Variants in ROBO1 observed in about 807,000 individuals in gnomAD.
The protein encoded by ROBO1 is roundabout guidance receptor 1.
A neutral mutation model predicts 195.9 loss-of-function variants in ROBO1; 149 were observed. That is an observed-to-expected ratio of 0.76 (90% CI 0.67 to 0.87). The LOEUF (loss-of-function observed/expected upper bound fraction) is 0.87, where lower values mean the gene tolerates loss of function less well. Among genes scored for constraint, ROBO1 ranks in the 40% least tolerant of loss-of-function variants. The probability of loss-of-function intolerance (pLI) is 0.00; values close to 1 mark genes in which losing one functional copy is unlikely to be tolerated. For synonymous variants in ROBO1, 816 were observed against 733.2 expected, an observed-to-expected ratio of 1.11 and a Z score of -1.82; for missense variants, 1,933 against 2,068.3, an observed-to-expected ratio of 0.93 and a Z score of 1.27.
At chr3:78,626,550 A>G (rs2107471403) in intron 26 of ROBO1, among the ~76,000 whole-genome samples, 1 of 152,332 alleles carries the variant, frequency 6.6e-6, no homozygotes, top group Admixed American at 6.5e-5. Flanking sequence ...AGGAATACAG[A>G]AAATAATGTA....
At chr3:79,337,812 TAAAGG>T (rs1156452192) in intron 2 of ROBO1, among the ~76,000 whole-genome samples, 1 of 152,134 alleles carries the variant, frequency 6.6e-6, no homozygotes, top group Non-Finnish European at 1.5e-5. Context: ...TACAAAATAA[TAAAGG>T]AAGGTTAACA....
chr3:79,512,017 C>T (rs1940732255), intron 2 of ROBO1, among the ~76,000 whole-genome samples: 1 of 152,004 alleles, frequency 6.6e-6, no homozygotes, highest in African/African-American at 2.4e-5. Flanking sequence ...CAACAAATCC[C>T]CATAACACGT....
intron 2 of ROBO1, among the ~76,000 whole-genome samples, chr3:79,463,963 C>G (rs887869228): frequency 2.6e-5 from 4 of 152,126 alleles, no homozygotes; most frequent in Admixed American, 2.6e-4. Flanking sequence ...CCTAAGCAGC[C>G]AGTCATCTCC....
At chr3:79,434,345 A>G (rs1215955976) in intron 2 of ROBO1, among the ~76,000 whole-genome samples, 6 of 152,236 alleles carry the variant, frequency 3.9e-5, no homozygotes, top group Non-Finnish European at 7.3e-5. Context: ...TCCAGAATTT[A>G]CAAAGAACTC....
intron 17 of ROBO1, among the ~76,000 whole-genome samples, chr3:78,659,171 G>C (rs1160570216): frequency 6.6e-6 from 1 of 152,030 alleles, no homozygotes; most frequent in Non-Finnish European, 1.5e-5. Context: ...AAAGTACAGA[G>C]ACTTTTACCT....
chr3:79,699,664 T>TC (rs1560111246), intron 1 of ROBO1, among the ~76,000 whole-genome samples: 2 of 151,490 alleles, frequency 1.3e-5, no homozygotes, highest in African/African-American at 4.8e-5. Flanking sequence ...TGTTTTTTTT[T>TC]CATAATTATA....
At chr3:78,899,632 A>G (rs892093096) in intron 4 of ROBO1, among the ~76,000 whole-genome samples, 1 of 152,174 alleles carries the variant, frequency 6.6e-6, no homozygotes, top group Non-Finnish European at 1.5e-5. Context: ...AAAATAAATT[A>G]AGATCTTATA....
chr3:78,723,518 C>G (rs2082091040), intron 5 of ROBO1, among the ~76,000 whole-genome samples: 1 of 152,074 alleles, frequency 6.6e-6, no homozygotes. Context: ...GACTTAGAAA[C>G]AAGTAAATTT....
intron 1 of ROBO1, among the ~76,000 whole-genome samples, chr3:79,700,394 A>T (rs1947588839): frequency 6.6e-6 from 1 of 150,852 alleles, no homozygotes; most frequent in Non-Finnish European, 1.5e-5. Context: ...GTACCCAGTA[A>T]TGGGATTGCT....
intron 4 of ROBO1, among the ~76,000 whole-genome samples, chr3:78,885,912 TA>T (rs2036534889): frequency 9.1e-6 from 1 of 110,040 alleles, no homozygotes; most frequent in African/African-American, 4.1e-5. Flanking sequence ...CAAAATTTTA[TA>T]TATATATATA....
chr3:78,915,063 G>T (rs529134158), intron 4 of ROBO1, among the ~76,000 whole-genome samples: 1 of 152,082 alleles, frequency 6.6e-6, no homozygotes, highest in Non-Finnish European at 1.5e-5. Flanking sequence ...GAAAATACAG[G>T]TCCTACCAGG....
rs867253051 is a variant in ROBO1 at position 79,058,946 on chromosome 3, T to A, written c.172+66510A>T. ...CCCGAATGGCATTACATCAATCTAT[T>A]CACATGGCTCATTTTGTTAATGATT... On this transcript the variant is annotated intron_variant, in intron 3 of 30. Transcript: ENST00000464233. Among the ~76,000 whole-genome samples, 10 of 152,222 alleles carry A rather than the reference T, an allele frequency of 6.6e-5. No homozygotes were observed. The South Asian group carries it at 2.1e-3, about 32-fold the overall frequency.
intron 2 of ROBO1, among the ~76,000 whole-genome samples, chr3:79,289,819 G>C (rs1274667292): frequency 1.3e-5 from 2 of 152,076 alleles, no homozygotes; most frequent in African/African-American, 4.8e-5. Context: ...AATGTTTCCT[G>C]TTACCAAAGG....
intron 2 of ROBO1, among the ~76,000 whole-genome samples, chr3:79,168,171 T>C (rs914908662): frequency 3.3e-5 from 5 of 152,166 alleles, no homozygotes; most frequent in African/African-American, 9.7e-5. Context: ...GGCCTGTGTG[T>C]GATTTGGCTA....
At chr3:79,408,187 C>T (rs2037625764) in intron 2 of ROBO1, among the ~76,000 whole-genome samples, 1 of 151,342 alleles carries the variant, frequency 6.6e-6, no homozygotes, top group Non-Finnish European at 1.5e-5. Flanking sequence ...CATTGCACTC[C>T]AGTCTGGTCA....
intron 10 of ROBO1, among the ~76,000 whole-genome samples, chr3:78,673,562 TTATATATATATATATA>T (rs1166250669): frequency 0.023 from 1,477 of 63,390 alleles, 43 homozygotes; most frequent in East Asian, 0.046. Flanking sequence ...TACATATATT[TTATATATATATATATA>T]TATATATATA....
chr3:79,182,114 G>T (rs2081352119), intron 2 of ROBO1, among the ~76,000 whole-genome samples: 1 of 151,728 alleles, frequency 6.6e-6, no homozygotes, highest in Non-Finnish European at 1.5e-5. Flanking sequence ...TCTTCCATGT[G>T]GACTTAAAAT....
At chr3:78,870,520 A>G (rs2035482583) in intron 4 of ROBO1, among the ~76,000 whole-genome samples, 1 of 152,190 alleles carries the variant, frequency 6.6e-6, no homozygotes, top group Non-Finnish European at 1.5e-5. Context: ...CCTTACAGGG[A>G]AGAAATGATT....
At chr3:79,727,742 C>T (rs1194069171) in intron 1 of ROBO1, among the ~76,000 whole-genome samples, 1 of 152,082 alleles carries the variant, frequency 6.6e-6, no homozygotes, top group Non-Finnish European at 1.5e-5. Flanking sequence ...CTGCCTGCAC[C>T]CTTTTAAAAT....
Sources: gnomAD v4.1 joint callset for allele counts (sites outside exome capture counted in the v4.1 genomes callset) on GRCh38, gnomAD v4.1.1 for gene constraint, MANE v1.5 for transcripts, NCBI Gene and HGNC (gene_info 2026-07-23, HGNC 2026-07-21) for gene names.